Variants in COL28A1 observed in about 807,000 individuals in gnomAD.
COL28A1 encodes collagen type XXVIII alpha 1 chain, also known as collagen alpha-1(XXVIII) chain.
A neutral mutation model predicts 150.2 loss-of-function variants in COL28A1; 161 were observed. The ratio of observed to expected loss-of-function variants is 1.07; its 90% CI spans 0.94 to 1.22. COL28A1 has a LOEUF of 1.22. Among genes scored for constraint, COL28A1 ranks in the 50% most tolerant of loss-of-function variants. The pLI, the probability that COL28A1 is intolerant of heterozygous loss-of-function variation, is 0.00. For missense variants in COL28A1, 1,617 were observed against 1,388.3 expected (o/e 1.16, Z -2.62); for synonymous variants, 552 against 469.7 (o/e 1.18, Z -2.26).
At chr7:7,432,424 T>C in intron 25 of COL28A1, 49 bp downstream of exon 25, 1 of 1,487,112 alleles carries the variant, frequency 6.7e-7, no homozygotes, top group Non-Finnish European at 9.4e-7. Context: ...GTCACCTACC[T>C]ATAGGTGCAC....
chr7:7,439,879 T>C (rs1450962572), intron 21 of COL28A1, among the ~76,000 whole-genome samples: 1 of 152,212 alleles, frequency 6.6e-6, no homozygotes, highest in Non-Finnish European at 1.5e-5. Flanking sequence ...GGACACTGAA[T>C]GGACACTGAA....
At chr7:7,512,755 A>G (rs996832010) in intron 8 of COL28A1, among the ~76,000 whole-genome samples, 3 of 152,214 alleles carry the variant, frequency 2.0e-5, no homozygotes, top group African/African-American at 7.2e-5. Flanking sequence ...CATTTTCAAG[A>G]TAAGGAAACA....
upstream of COL28A1, among the ~76,000 whole-genome samples, chr7:7,536,234 A>G (rs1446492815): frequency 6.6e-6 from 1 of 152,144 alleles, no homozygotes; most frequent in Non-Finnish European, 1.5e-5. Context: ...AAGAGAGGTA[A>G]CAGTTTGATT....
At chr7:7,530,247 A>G (rs1782272661) in intron 3 of COL28A1, among the ~76,000 whole-genome samples, 1 of 152,234 alleles carries the variant, frequency 6.6e-6, no homozygotes, top group Non-Finnish European at 1.5e-5. Context: ...ATAAAATAAA[A>G]TATATAAAGT....
chr7:7,340,585 G>T, the COL28A1 span, among the ~76,000 whole-genome samples: 2 of 152,010 alleles, frequency 1.3e-5, no homozygotes, highest in Non-Finnish European at 2.9e-5. Flanking sequence ...CTCCTCACTG[G>T]CTGCCTTATT....
At chr7:7,341,502 C>G in the COL28A1 span, among the ~76,000 whole-genome samples, 1 of 152,056 alleles carries the variant, frequency 6.6e-6, no homozygotes, top group Non-Finnish European at 1.5e-5. Flanking sequence ...CCTCGAACTT[C>G]TAGGCTCAAG....
intron 32 of COL28A1, among the ~76,000 whole-genome samples, chr7:7,371,985 A>G (rs1476926684): frequency 6.6e-6 from 1 of 151,780 alleles, no homozygotes; most frequent in Non-Finnish European, 1.5e-5. Context: ...GGCACACGCC[A>G]CCATGCCCAG....
chr7:7,420,126 C>G (rs1207343065), intron 25 of COL28A1, 173 bp from the exon 26 acceptor site: 7 of 398,280 alleles, frequency 1.8e-5, no homozygotes, highest in Admixed American at 8.5e-5. Context: ...ACCAACAGAT[C>G]CAGGTCCATT....
the COL28A1 span, among the ~76,000 whole-genome samples, chr7:7,344,133 T>C: frequency 3.9e-5 from 6 of 152,152 alleles, no homozygotes; most frequent in African/African-American, 1.4e-4. Context: ...TGTCTTATGA[T>C]TATTTAGTCT....
At chr7:7,470,949 T>C (rs1258898475) in intron 15 of COL28A1, among the ~76,000 whole-genome samples, 1 of 91,818 alleles carries the variant, frequency 1.1e-5, no homozygotes, top group Non-Finnish European at 2.0e-5. Flanking sequence ...TATCACACTC[T>C]GGGGACTGTG....
At chr7:7,400,711 C>T (rs952839441) in intron 27 of COL28A1, among the ~76,000 whole-genome samples, 1 of 151,280 alleles carries the variant, frequency 6.6e-6, no homozygotes, top group South Asian at 2.1e-4. Context: ...CTTCCTTAAT[C>T]ACACATATTA....
In COL28A1 at chr7:7,454,790, A is replaced by G. The variant is rs575665230; in HGVS notation, c.1371+1254T>C. 2.3e-3 allele frequency among the ~76,000 whole-genome samples: 350 copies of G among 152,320 alleles called. 1 individual carries two copies. The highest frequency in any genetic ancestry group is 8.0e-3 in the African/African-American group (332 of 41,584). On this transcript the variant is annotated intron_variant, in intron 16 of 34. Coordinates refer to ENST00000399429, the MANE Select transcript of COL28A1 (RefSeq NM_001037763.3). ...AAGTAAGCCCCTGCTAAAACCAACA[A>G]ATAAACTAAAAGGCTTGAGAATGTC...
chr7:7,403,618 A>G (rs1337624433), intron 27 of COL28A1, among the ~76,000 whole-genome samples: 2 of 152,194 alleles, frequency 1.3e-5, no homozygotes, highest in Non-Finnish European at 2.9e-5. Context: ...TCTTAAATGT[A>G]TGTACTAAAC....
chr7:7,443,411 G>C (rs1785968986), intron 20 of COL28A1, among the ~76,000 whole-genome samples, 174 bp downstream of exon 20: 1 of 152,172 alleles, frequency 6.6e-6, no homozygotes, highest in Admixed American at 6.5e-5. Context: ...GAAAATAAAA[G>C]TGAATCATAT....
rs187297101 is a variant in COL28A1, at chr7:7,531,843, G to C, written c.186C>G (p.Ala62=). The C allele has an allele frequency of 4.4e-6, 7 of 1,607,342 alleles. No individual in the cohort carries two copies. Among genetic ancestry groups the C allele is most frequent in the South Asian group, 1.1e-5 (1 of 90,926 alleles). Reference sequence around the variant, plus strand: ...CAAAATCTTTCTGTTTATCAAAGAGGGCAATTTTAGAACTTTCAGAGCTGT... The same window carrying C: ...CAAAATCTTTCTGTTTATCAAAGAGCGCAATTTTAGAACTTTCAGAGCTGT... ...IVDSSESSKI[A]LFDKQKDFVD... Residue 62 remains alanine (A), a synonymous_variant, in exon 3 of 35, where the codon GCC becomes GCG. Transcript: ENST00000399429.
intron 20 of COL28A1, 125 bp downstream of exon 20, chr7:7,443,460 A>C (rs1454992404): frequency 7.0e-7 from 1 of 1,424,732 alleles, no homozygotes. Flanking sequence ...GACAGTATTC[A>C]TACTTTTAAG....
intron 11 of COL28A1, among the ~76,000 whole-genome samples, chr7:7,496,712 T>C (rs1370763201): frequency 6.6e-6 from 1 of 152,224 alleles, no homozygotes; most frequent in Admixed American, 6.5e-5. Context: ...GACTGAATTA[T>C]TTGTGGACAG....
upstream of COL28A1, among the ~76,000 whole-genome samples, chr7:7,539,325 T>A (rs1782747131): frequency 6.6e-6 from 1 of 152,126 alleles, no homozygotes; most frequent in African/African-American, 2.4e-5. Flanking sequence ...GCAGATCATA[T>A]GGTAAGAGGG....
chr7:7,400,491 G>C (rs1583293738), intron 27 of COL28A1, among the ~76,000 whole-genome samples: 1 of 152,182 alleles, frequency 6.6e-6, no homozygotes, highest in East Asian at 1.9e-4. Flanking sequence ...TCCCCTAGCA[G>C]AGTCTGCATG....
Sources: allele counts gnomAD v4.1 joint callset (sites outside exome capture counted in the v4.1 genomes callset), GRCh38; gene constraint gnomAD v4.1.1; transcripts MANE v1.5; gene names NCBI Gene and HGNC (gene_info 2026-07-23, HGNC 2026-07-21).